Variants in LIPK observed in about 807,000 individuals in gnomAD.
The protein encoded by LIPK is lipase family member K.
A neutral mutation model predicts 48.6 loss-of-function variants in LIPK; 32 were observed. The observed-to-expected ratio is 0.66, with a 90% CI of 0.50 to 0.88. LIPK has a LOEUF of 0.88. LIPK is among the 40% of genes least tolerant of loss of function. LIPK has a pLI of 0.00. For missense variants in LIPK, 507 were observed against 478.5 expected, an observed-to-expected ratio of 1.06 and a Z score of -0.56; for synonymous variants, 164 against 157.4, an observed-to-expected ratio of 1.04 and a Z score of -0.32.
At chr10:88,720,530 TA>T (rs1564976194) in intron 1 of LIPK, among the ~76,000 whole-genome samples, 1 of 152,240 alleles carries the variant, frequency 6.6e-6, no homozygotes, top group South Asian at 2.1e-4. Flanking sequence ...ATAAAATTTT[TA>T]AAAAAGACGG....
chr10:88,748,729 A>G (rs1341393101), intron 9 of LIPK, among the ~76,000 whole-genome samples: 1 of 152,204 alleles, frequency 6.6e-6, no homozygotes, highest in African/African-American at 2.4e-5. Context: ...TGAGAACTGA[A>G]ACAAGACAAG....
At position 88,752,524 on chromosome 10, in the gene LIPK, C is replaced by G. The variant is rs1842880940; in HGVS notation, c.968C>G (p.Pro323Arg). Residue 323 changes from proline to arginine, a missense_variant, in exon 10 of 10, where the codon CCT becomes CGT. Transcript: ENST00000404190. Reference protein sequence around the residue: ...QNMMHFHQLTPPLYNITKMEV... With the variant: ...QNMMHFHQLTRPLYNITKMEV... ...CTCTTTTATTGTATTTAGCTTACACCTCCTTTATACAACATTACTAAGATG... is the reference window on the plus strand; with the variant it reads ...CTCTTTTATTGTATTTAGCTTACACGTCCTTTATACAACATTACTAAGATG... 5 of 1,543,814 alleles carry G rather than the reference C, an allele frequency of 3.2e-6. No individual in the cohort carries two copies. The highest frequency in any genetic ancestry group is 4.4e-6 in the Non-Finnish European group (5 of 1,137,522).
intron 7 of LIPK, among the ~76,000 whole-genome samples, chr10:88,738,280 T>G (rs191823328): frequency 5.9e-5 from 9 of 152,118 alleles, no homozygotes; most frequent in African/African-American, 2.2e-4. Flanking sequence ...AGTGTCAGGG[T>G]TCTTGTCAAG....
At chr10:88,714,587 A>G (rs1842082596) in intron 1 of LIPK, among the ~76,000 whole-genome samples, 1 of 152,148 alleles carries the variant, frequency 6.6e-6, no homozygotes, top group African/African-American at 2.4e-5. Context: ...AGATATAGAA[A>G]TGTTCTTTTT....
intron 2 of LIPK, 69 bp downstream of exon 2, chr10:88,724,717 C>G: frequency 9.3e-7 from 1 of 1,074,378 alleles, no homozygotes; most frequent in South Asian, 1.6e-5. Flanking sequence ...TTAGATACAA[C>G]TGGTGTGCCT....
chr10:88,736,176 G>GGGAGAT, intron 6 of LIPK, among the ~76,000 whole-genome samples: 1 of 151,808 alleles, frequency 6.6e-6, no homozygotes, highest in South Asian at 2.1e-4. Context: ...GAGAGGGAGA[G>GGGAGAT]AAGACAGAAG....
At chr10:88,726,054 T>C (rs1214695983) in intron 2 of LIPK, among the ~76,000 whole-genome samples, 1 of 144,284 alleles carries the variant, frequency 6.9e-6, no homozygotes, top group Non-Finnish European at 1.5e-5. Flanking sequence ...AGCTTAACTT[T>C]CTCCTTCGGG....
chr10:88,722,882 C>CTTTTTT (rs1262882913), intron 1 of LIPK, among the ~76,000 whole-genome samples: 48 of 45,982 alleles, frequency 1.0e-3, no homozygotes, highest in Non-Finnish European at 1.1e-3. Context: ...TTCTTCTTTT[C>CTTTTTT]TTTTTTCTTT....
chr10:88,748,784 C>G (rs796435565), intron 9 of LIPK, among the ~76,000 whole-genome samples: 3 of 152,210 alleles, frequency 2.0e-5, no homozygotes, highest in African/African-American at 7.2e-5. Context: ...ACTGGAAGTC[C>G]TAGCCAGAGC....
At chr10:88,723,029 T>C (rs1842262526) in intron 1 of LIPK, among the ~76,000 whole-genome samples, 3 of 151,604 alleles carry the variant, frequency 2.0e-5, no homozygotes, top group African/African-American at 7.3e-5. Context: ...GGACTACAGG[T>C]GCATGCCACC....
intron 9 of LIPK, among the ~76,000 whole-genome samples, chr10:88,743,529 T>A (rs1842717660): frequency 1.3e-5 from 2 of 152,050 alleles, no homozygotes; most frequent in Non-Finnish European, 2.9e-5. Context: ...TTATTATCCC[T>A]ATTTTTTTCA....
chr10:88,726,969 C>A, intron 3 of LIPK, 57 bp downstream of exon 3: 1 of 1,025,420 alleles, frequency 9.8e-7, no homozygotes, highest in Non-Finnish European at 1.5e-6. Context: ...ACTTAGATGT[C>A]CTGGGAGAAG....
chr10:88,733,308 GC>G (rs1265184741), intron 6 of LIPK, among the ~76,000 whole-genome samples: 1 of 152,150 alleles, frequency 6.6e-6, no homozygotes, highest in Non-Finnish European at 1.5e-5. Flanking sequence ...AAATTGCATT[GC>G]ATGGGTTGGT....
chr10:88,710,363 A>G (rs1375337346), intron 1 of LIPK, among the ~76,000 whole-genome samples: 1 of 152,190 alleles, frequency 6.6e-6, no homozygotes, highest in African/African-American at 2.4e-5. Flanking sequence ...TTACTAGTTT[A>G]CACCAGCACT....
At chr10:88,744,032 G>T (rs529534955) in intron 9 of LIPK, among the ~76,000 whole-genome samples, 1 of 152,200 alleles carries the variant, frequency 6.6e-6, no homozygotes, top group African/African-American at 2.4e-5. Flanking sequence ...CCTAAGGCTC[G>T]CCAAGCACCT....
chr10:88,732,258 A>ACGTG lies in LIPK; in HGVS notation c.504_507dup (p.Gly170ArgfsTer22). On this transcript the variant is annotated frameshift_variant, in exon 5 of 10. Transcript: ENST00000404190. LOFTEE classifies it high-confidence loss of function. ...AAAACTGGACAGAAGCGACTCTACT[A>ACGTG]CGTGGGCCACTCACAAGGCACCACC... 6.2e-7 allele frequency: 1 copy of ACGTG among 1,613,970 alleles called. No homozygotes were observed. The highest frequency in any genetic ancestry group is 8.5e-7 in the Non-Finnish European group (1 of 1,179,914).
intron 6 of LIPK, among the ~76,000 whole-genome samples, chr10:88,734,430 A>G (rs1484898936): frequency 6.6e-6 from 1 of 152,208 alleles, no homozygotes; most frequent in Non-Finnish European, 1.5e-5. Flanking sequence ...GAAGGAGAGT[A>G]TGAGAAATCA....
intron 1 of LIPK, among the ~76,000 whole-genome samples, chr10:88,722,255 A>G (rs1203142052): frequency 3.3e-5 from 5 of 152,210 alleles, no homozygotes; most frequent in Non-Finnish European, 7.3e-5. Context: ...GGGTCGCACC[A>G]TTATACTCCA....
intron 1 of LIPK, among the ~76,000 whole-genome samples, chr10:88,710,978 G>T (rs1007173486): frequency 6.6e-6 from 1 of 152,106 alleles, no homozygotes; most frequent in Non-Finnish European, 1.5e-5. Flanking sequence ...TGGTGCAGTT[G>T]ATGTTAGCTA....
Sources: allele counts gnomAD v4.1 joint callset (sites outside exome capture counted in the v4.1 genomes callset), GRCh38; gene constraint gnomAD v4.1.1; transcripts MANE v1.5; gene names NCBI Gene and HGNC (gene_info 2026-07-23, HGNC 2026-07-21).